TEC: variants seen among roughly 807,000 people sequenced by gnomAD.
TEC encodes tyrosine-protein kinase Tec.
A neutral mutation model predicts 93.0 loss-of-function variants in TEC; 72 were observed. The observed-to-expected ratio is 0.77, with a 90% CI of 0.64 to 0.94. The LOEUF is 0.94. Among genes scored for constraint, TEC ranks in the 40% least tolerant of loss-of-function variants. The pLI is 0.00. For synonymous variants in TEC, 249 were observed against 247.7 expected (o/e 1.01, Z -0.05); for missense variants, 630 against 757.9 (o/e 0.83, Z 1.98).
chr4:48,170,663 G>A (rs1018581425), intron 4 of TEC, among the ~76,000 whole-genome samples: 1 of 152,184 alleles, frequency 6.6e-6, no homozygotes, highest in African/African-American at 2.4e-5. Flanking sequence ...GAAGCAATGA[G>A]GACTATGCAG....
Position 48,167,767 on chromosome 4 carries a change from G to A in TEC, c.671+11C>T. ...CCCACTGCATATCACACACATAGAG[G>A]GAATACTTACCCATATTTATCTCTT... On this transcript the variant is annotated intron_variant, in intron 7 of 17. Coordinates refer to ENST00000381501, the MANE Select transcript of TEC (RefSeq NM_003215.3). 1 of 1,612,852 alleles carries A rather than the reference G, an allele frequency of 6.2e-7. No homozygotes were observed. Among genetic ancestry groups the A allele is most frequent in the Non-Finnish European group, 8.5e-7 (1 of 1,179,270 alleles).
At chr4:48,196,570 G>A (rs1245322194) in intron 2 of TEC, among the ~76,000 whole-genome samples, 2 of 152,106 alleles carry the variant, frequency 1.3e-5, no homozygotes, top group Non-Finnish European at 2.9e-5. Context: ...TAGCCCTTAG[G>A]AAACCTAAAA....
rs553475275 is a variant in TEC, at chr4:48,269,794, A to C, written c.-88T>G. 5 of 152,066 alleles carry C rather than the reference A, an allele frequency of 3.3e-5. No individual in the cohort carries two copies. The highest frequency in any genetic ancestry group is 4.4e-5 in the Non-Finnish European group (3 of 68,020). The allele number at this position is 152,066 out of a possible 1,614,324, so 9.4% of individuals were successfully genotyped here. A position where few individuals can be genotyped will look rare whatever the true frequency, so the allele number is the denominator to read the frequency against. On this transcript the variant is annotated 5_prime_UTR_variant, in exon 1 of 18. Transcript: ENST00000381501. ...GCTGGGCGGACCTGGGGAGACTGCG[A>C]GGTGCAGTCTGCGCCGCGGAGTCCG...
chr4:48,260,748 A>G (rs1382230448), intron 1 of TEC, among the ~76,000 whole-genome samples: 1 of 152,212 alleles, frequency 6.6e-6, no homozygotes, highest in Non-Finnish European at 1.5e-5. Flanking sequence ...CTACCTGTGT[A>G]TAAATAAAGA....
intron 1 of TEC, among the ~76,000 whole-genome samples, chr4:48,256,540 A>G (rs1724350663): frequency 7.1e-6 from 1 of 140,438 alleles, no homozygotes; most frequent in Non-Finnish European, 1.5e-5. Flanking sequence ...GGCTGCAGTG[A>G]GCTGATATTG....
At chr4:48,208,817 C>CAACA (rs1474637901) in intron 2 of TEC, among the ~76,000 whole-genome samples, 1 of 152,194 alleles carries the variant, frequency 6.6e-6, no homozygotes, top group African/African-American at 2.4e-5. Flanking sequence ...ACAGAGCCTA[C>CAACA]AACAGTACTT....
At chr4:48,203,638 G>A (rs1264882170) in intron 2 of TEC, among the ~76,000 whole-genome samples, 1 of 152,126 alleles carries the variant, frequency 6.6e-6, no homozygotes, top group Non-Finnish European at 1.5e-5. Flanking sequence ...CTGAGACAGG[G>A]TGTCTGGGGC....
chr4:48,160,308 A>G (rs1720575485), intron 8 of TEC, among the ~76,000 whole-genome samples: 1 of 152,174 alleles, frequency 6.6e-6, no homozygotes, highest in East Asian at 1.9e-4. Flanking sequence ...AAATTTGCCT[A>G]CTGTTATGCT....
chr4:48,192,056 C>CA (rs1405993106), intron 2 of TEC, among the ~76,000 whole-genome samples: 2 of 152,168 alleles, frequency 1.3e-5, no homozygotes, highest in Admixed American at 6.5e-5. Context: ...AAGACTAACA[C>CA]AAAAACTTTC....
Position 48,207,634 on chromosome 4 carries a change from A to T in TEC, c.138+20843T>A, listed in dbSNP as rs1293658706. ...ATGTCTCTACAAAAAAAAAAAAAAA[A>T]AAAATTAGCCGTGCGTGGTGGCACA... On this transcript the variant is annotated intron_variant, in intron 2 of 17. Coordinates refer to ENST00000381501, the MANE Select transcript of TEC (RefSeq NM_003215.3). Among the ~76,000 whole-genome samples the T allele has an allele frequency of 2.0e-5, 3 of 150,674 alleles. No individual in the cohort carries two copies. The East Asian group carries it at 5.8e-4, about 29-fold the overall frequency.
intron 1 of TEC, among the ~76,000 whole-genome samples, chr4:48,244,501 C>T (rs1724003857): frequency 6.6e-6 from 1 of 152,202 alleles, no homozygotes; most frequent in Admixed American, 6.5e-5. Flanking sequence ...AGACCTGCCC[C>T]ATGATTCAAT....
At chr4:48,237,215 G>A (rs184711326) in intron 1 of TEC, among the ~76,000 whole-genome samples, 30 of 151,912 alleles carry the variant, frequency 2.0e-4, no homozygotes, top group African/African-American at 6.5e-4. Flanking sequence ...AGCTACTTGG[G>A]AGGCTAAGGC....
intron 2 of TEC, among the ~76,000 whole-genome samples, chr4:48,183,018 A>G (rs760989546): frequency 1.8e-4 from 28 of 152,122 alleles, no homozygotes; most frequent in Middle Eastern, 3.4e-3. Context: ...CACATCACAA[A>G]TTTTATTCCT....
chr4:48,233,375 G>A (rs1313303922), intron 1 of TEC, among the ~76,000 whole-genome samples: 2 of 148,534 alleles, frequency 1.3e-5, no homozygotes, highest in African/African-American at 5.0e-5. Context: ...ACAAGGTCTG[G>A]CTATGTTGCC....
intron 2 of TEC, among the ~76,000 whole-genome samples, chr4:48,180,294 T>G (rs540900949): frequency 6.6e-6 from 1 of 152,278 alleles, no homozygotes; most frequent in Non-Finnish European, 1.5e-5. Flanking sequence ...CACTCATTCT[T>G]TTATTTATTC....
chr4:48,149,612 T>G lies in TEC; in HGVS notation c.951A>C (p.Lys317Asn). 1 of 1,612,348 alleles carries G rather than the reference T, an allele frequency of 6.2e-7. No individual in the cohort carries two copies. The highest frequency in any genetic ancestry group is 8.5e-7 in the Non-Finnish European group (1 of 1,179,396). The change falls in exon 11 of 18, where the codon AAA becomes AAC. Residue 317 changes from lysine (K) to asparagine (N), a missense_variant. Coordinates refer to ENST00000381501, the MANE Select transcript of TEC (RefSeq NM_003215.3). Reference sequence around the variant, plus strand: ...TCTCAGGAATGGAGCCAAAAGCATGTTTTTCAGCTAGGTAATACTTCTTTG... The same window carrying G: ...TCTCAGGAATGGAGCCAAAAGCATGGTTTTCAGCTAGGTAATACTTCTTTG... ...TSPKKYYLAEKHAFGSIPEII... is the reference protein window; with the variant it reads ...TSPKKYYLAENHAFGSIPEII...
intron 2 of TEC, among the ~76,000 whole-genome samples, chr4:48,213,976 C>T (rs918955499): frequency 6.6e-6 from 1 of 152,064 alleles, no homozygotes; most frequent in African/African-American, 2.4e-5. Context: ...TTAAATAATG[C>T]ACCACTTCAA....
chr4:48,149,134 C>A (rs182796475), intron 11 of TEC, among the ~76,000 whole-genome samples: 2 of 152,198 alleles, frequency 1.3e-5, no homozygotes, highest in Non-Finnish European at 2.9e-5. Context: ...GCAATGAACA[C>A]CCACATGCAC....
intron 4 of TEC, 67 bp from the exon 5 acceptor site, chr4:48,170,443 A>G (rs1721053970): frequency 1.0e-5 from 11 of 1,099,120 alleles, no homozygotes; most frequent in Non-Finnish European, 1.3e-5. Flanking sequence ...TTCATAAATA[A>G]CAGTGTCGAT....
Sources: gnomAD v4.1 joint callset for allele counts (sites outside exome capture counted in the v4.1 genomes callset) on GRCh38, gnomAD v4.1.1 for gene constraint, MANE v1.5 for transcripts, NCBI Gene and HGNC (gene_info 2026-07-23, HGNC 2026-07-21) for gene names.